MSRB1: variants seen among roughly 807,000 people sequenced by gnomAD.
MSRB1 encodes methionine-R-sulfoxide reductase B1.
In MSRB1, 13 loss-of-function variants were observed where a neutral mutation model predicts 15.2. The observed-to-expected ratio is 0.86, with a 90% confidence interval of 0.56 to 1.36. The LOEUF (loss-of-function observed/expected upper bound fraction) is 1.36, where lower values mean the gene tolerates loss of function less well. MSRB1 is among the 40% of genes most tolerant of loss of function. The probability of loss-of-function intolerance (pLI) is 0.00; values close to 1 mark genes in which losing one functional copy is unlikely to be tolerated. For missense variants in MSRB1, 174 were observed against 155.9 expected, an observed-to-expected ratio of 1.12 and a Z score of -0.62; for synonymous variants, 68 against 64.5, an observed-to-expected ratio of 1.05 and a Z score of -0.26.
chr16:1,941,228 G>A (rs376065678), intron 2 of MSRB1, 29 bp downstream of exon 2: 61 of 1,544,206 alleles, frequency 4.0e-5, no homozygotes, highest in East Asian at 2.9e-4. Context: ...GGCCGCCCCC[G>A]TCCCTCCCCC....
chr16:1,938,881 G>A lies in MSRB1; in HGVS notation c.*231C>T, dbSNP rs1201225019. 1.1e-5 allele frequency: 7 copies of A among 620,954 alleles called. No individual in the cohort carries two copies. In the East Asian group the frequency reaches 2.1e-4, roughly 19 times the overall value. 38.5% of individuals were successfully genotyped at this position (620,954 alleles called of 1,614,324 possible). A position where few individuals can be genotyped will look rare whatever the true frequency, so the allele number is the denominator to read the frequency against. The stretch of plus-strand genomic sequence containing the variant: ...GGGGGCTAAGTCAGCCGACAGTGTG[G>A]CTGCACAGCCCAGGCCTGTCCCAGC... On this transcript the variant is annotated 3_prime_UTR_variant, in exon 4 of 4. Transcript: ENST00000361871.
chr16:1,939,323 G>T (rs1347132958), intron 3 of MSRB1, among the ~76,000 whole-genome samples, 180 bp from the exon 4 acceptor site: 1 of 152,168 alleles, frequency 6.6e-6, no homozygotes, highest in East Asian at 1.9e-4. Context: ...GGCCACAGGG[G>T]AGCTGAAAAG....
intron 1 of MSRB1, among the ~76,000 whole-genome samples, chr16:1,942,349 G>C (rs2083082889): frequency 6.6e-6 from 1 of 152,242 alleles, no homozygotes. Flanking sequence ...AAGGAGACCA[G>C]TGCACTCAGA....
chr16:1,942,871 C>A (rs1042681467), intron 1 of MSRB1, among the ~76,000 whole-genome samples: 1 of 152,138 alleles, frequency 6.6e-6, no homozygotes, highest in South Asian at 2.1e-4. Context: ...AGGCCTGCCC[C>A]CTCCAGGACG....
In MSRB1 at chr16:1,939,090, G is replaced by A; in HGVS notation, c.*22C>T. On this transcript the variant is annotated 3_prime_UTR_variant, in exon 4 of 4. Coordinates refer to ENST00000361871, the MANE Select transcript of MSRB1 (RefSeq NM_016332.4). ...TGTGGCCTCAGTGTGGTGGCCGTCT[G>A]GGGTGGGTGTGGGCTGCCCGCCTAG... 6.2e-7 allele frequency: 1 copy of A among 1,612,962 alleles called. No homozygotes were observed. Among genetic ancestry groups the A allele is most frequent in the Non-Finnish European group, 8.5e-7 (1 of 1,179,688 alleles).
At position 1,939,121 on chromosome 16, in the gene MSRB1, C is replaced by G. The variant is rs1451901515; in HGVS notation, c.342G>C (p.Gln114His). 6 of 1,610,148 alleles carry G rather than the reference C, an allele frequency of 3.7e-6. No homozygotes were observed. Among genetic ancestry groups the G allele is most frequent in the Non-Finnish European group, 5.1e-6 (6 of 1,178,916 alleles). Residue 114 changes from glutamine to histidine, a missense_variant, in exon 4 of 4, where the codon CAG becomes CAC. Transcript: ENST00000361871. ...GGTGTGGGCTGCCCGCCTAGTGACC[C>G]TGGGAGGCAGAAGTTTCTTTGCCTG... ...VPKGKETSASQGH is the reference protein window; with the variant it reads ...VPKGKETSASHGH
chr16:1,942,164 G>GA (rs1229364249), intron 1 of MSRB1, among the ~76,000 whole-genome samples: 1 of 152,212 alleles, frequency 6.6e-6, no homozygotes, highest in Non-Finnish European at 1.5e-5. Context: ...AGGAACTGGA[G>GA]AAAAAAGCAA....
At position 1,943,186 on chromosome 16, in the gene MSRB1, G is replaced by A. The variant is rs767021566; in HGVS notation, c.-30C>T. 1.2e-5 allele frequency: 19 copies of A among 1,551,190 alleles called. No homozygotes were observed. Among genetic ancestry groups the A allele is most frequent in the Non-Finnish European group, 1.6e-5 (18 of 1,147,658 alleles). ...CCACCGGAACCGCAGCGCGCTTGCC[G>A]CTGCCAACTGACCAAAGGCTGCCGA... On this transcript the variant is annotated 5_prime_UTR_variant, in exon 1 of 4. Coordinates refer to ENST00000361871, the MANE Select transcript of MSRB1 (RefSeq NM_016332.4).
intron 1 of MSRB1, chr16:1,941,692 C>G (rs1454738699): frequency 2.1e-6 from 1 of 475,448 alleles, no homozygotes; most frequent in Non-Finnish European, 3.8e-6. Context: ...TGCAGACACT[C>G]AGCTACAAGT....
In MSRB1 at chr16:1,938,945, A is replaced by C. The variant is rs2083056765; in HGVS notation, c.*167T>G. 5 of 917,234 alleles carry C rather than the reference A, an allele frequency of 5.5e-6. No individual in the cohort carries two copies. The highest frequency in any genetic ancestry group is 6.8e-6 in the Non-Finnish European group (4 of 587,656). 56.8% of individuals were successfully genotyped at this position (917,234 alleles called of 1,614,324 possible). On this transcript the variant is annotated 3_prime_UTR_variant, in exon 4 of 4. Transcript: ENST00000361871. ...CATCAGCAAATGAGTCTCTTTTCCA[A>C]GAAACGAAAAGGTCTTGTTCAGAGC... is the stretch of plus-strand genomic sequence containing the variant.
At chr16:1,941,108 G>A (rs557329120) in intron 2 of MSRB1, 149 bp downstream of exon 2, 2 of 1,551,582 alleles carry the variant, frequency 1.3e-6, no homozygotes, top group African/African-American at 1.4e-5. Context: ...CGATAGCCTG[G>A]GGTGGCAGCT....
chr16:1,940,721 CCCAGCCTGGG>C, intron 3 of MSRB1, 47 bp downstream of exon 3: 1 of 1,561,012 alleles, frequency 6.4e-7, no homozygotes, highest in African/African-American at 1.4e-5. Flanking sequence ...CACTGGGCCC[CCCAGCCTGGG>C]CTCAAAGGCC....
intron 3 of MSRB1, among the ~76,000 whole-genome samples, chr16:1,940,270 C>T (rs554676644): frequency 6.8e-6 from 1 of 147,268 alleles, no homozygotes; most frequent in East Asian, 2.0e-4. Flanking sequence ...GACTCCATCT[C>T]AGAAAAAAAA....
At chr16:1,941,549 G>T (rs1190731782) in intron 1 of MSRB1, 144 bp from the exon 2 acceptor site, 13 of 1,174,588 alleles carry the variant, frequency 1.1e-5, no homozygotes, top group Non-Finnish European at 1.4e-5. Flanking sequence ...CCCGCCACGG[G>T]AGGCGCTGTG....
intron 2 of MSRB1, 106 bp downstream of exon 2, chr16:1,941,151 C>G: frequency 6.4e-7 from 1 of 1,560,338 alleles, no homozygotes. Flanking sequence ...GGAATAGACG[C>G]CTCTAAGCCC....
chr16:1,939,033 AG>A lies in MSRB1; in HGVS notation c.*78del. ...GCCCTGCCTTCCTGTCTCGACGCCCAGGGTTCCAACTCCAAGGTGGAATGGC... is the reference window on the plus strand; with the variant it reads ...GCCCTGCCTTCCTGTCTCGACGCCCAGGTTCCAACTCCAAGGTGGAATGGC... On this transcript the variant is annotated 3_prime_UTR_variant, in exon 4 of 4. Coordinates refer to ENST00000361871, the MANE Select transcript of MSRB1 (RefSeq NM_016332.4). 1 of 1,559,454 alleles carries A rather than the reference AG, an allele frequency of 6.4e-7. No homozygotes were observed. The highest frequency in any genetic ancestry group is 8.8e-7 in the Non-Finnish European group (1 of 1,136,540).
In MSRB1 at chr16:1,941,411, G is replaced by A. The variant is rs1369060802; in HGVS notation, c.56-6C>T. ...CTTGGCACACACGTAAACGCCTGTG[G>A]TGGAAGGAGAGGCAAATGTGGAGTC... On this transcript the variant is annotated splice_region_variant and splice_polypyrimidine_tract_variant and intron_variant, in intron 1 of 3. Transcript: ENST00000361871. 1.2e-6 allele frequency: 2 copies of A among 1,607,648 alleles called. No homozygotes were observed. The highest frequency in any genetic ancestry group is 1.1e-5 in the South Asian group (1 of 90,414).
At position 1,940,869 on chromosome 16, in the gene MSRB1, A is replaced by G; in HGVS notation, c.228T>C (p.Asn76=). 2.5e-6 allele frequency: 4 copies of G among 1,614,122 alleles called. No individual in the cohort carries two copies. The highest frequency in any genetic ancestry group is 1.3e-5 in the African/African-American group (1 of 75,040). Residue 76 remains asparagine (N), a synonymous_variant, in exon 3 of 4, where the codon AAT becomes AAC. Coordinates refer to ENST00000361871, the MANE Select transcript of MSRB1 (RefSeq NM_016332.4). ...ALKVSCGKCG[N]GLGHEFLNDG... ...CGTTCAGGAACTCGTGGCCCAACCC[A>G]TTGCCACACTTGCCACAGGACACCT... is the stretch of plus-strand genomic sequence containing the variant.
chr16:1,943,038 GGCGCCCCCGCTAATGC>G, intron 1 of MSRB1, 48 bp downstream of exon 1: 1 of 1,541,332 alleles, frequency 6.5e-7, no homozygotes, highest in Middle Eastern at 1.7e-4. Context: ...GGACGACGGC[GGCGCCCCCGCTAATGC>G]GCGCCCCCCG....
Sources: gnomAD v4.1 joint callset for allele counts (sites outside exome capture counted in the v4.1 genomes callset) on GRCh38, gnomAD v4.1.1 for gene constraint, MANE v1.5 for transcripts, NCBI Gene and HGNC (gene_info 2026-07-23, HGNC 2026-07-21) for gene names.